Variants in ZNF208 observed in about 807,000 individuals in gnomAD.
The protein encoded by ZNF208 is zinc finger protein 208.
In ZNF208, 10 loss-of-function variants were observed where a neutral mutation model predicts 12.1. That is an observed-to-expected ratio of 0.83 (90% confidence interval 0.51 to 1.40). The LOEUF is 1.40. Ranked by LOEUF, ZNF208 falls within the 40% of genes most tolerant of loss-of-function variation. The pLI is 0.00. For synonymous variants in ZNF208, 497 were observed against 488.4 expected, an observed-to-expected ratio of 1.02 and a Z score of -0.23; for missense variants, 1,652 against 1,485.0, an observed-to-expected ratio of 1.11 and a Z score of -1.85.
intron 3 of ZNF208, 115 bp downstream of exon 3, chr19:21,987,101 A>T: frequency 9.7e-7 from 1 of 1,029,078 alleles, no homozygotes; most frequent in Non-Finnish European, 1.4e-6. Context: ...AATAAAAATT[A>T]GTCTCTCCAG....
rs780809486 is a variant in ZNF208 at position 21,974,433 on chromosome 19, A to G, written c.601T>C (p.Tyr201His). Residue 201 changes from tyrosine (Y) to histidine (H), a missense_variant, in exon 4 of 4, where the codon TAC becomes CAC. Physicochemically the swap from Tyr to His is moderately conservative, Grantham distance 83. Transcript: ENST00000397126. ...GCTTTGCCACCTTCTTCACATTTGT[A>G]GGAATTCTCTCTAGTATAAATTCTT... The part of the protein sequence containing the change: ...HKRIYTRENS[Y>H]KCEEGGKAFN... 8 of 1,613,694 alleles carry G rather than the reference A, an allele frequency of 5.0e-6. No individual in the cohort carries two copies. The South Asian group carries it at 8.8e-5, about 18-fold the overall frequency.
intron 4 of ZNF208, among the ~76,000 whole-genome samples, chr19:21,955,645 C>T (rs1969961492): frequency 6.6e-6 from 1 of 152,156 alleles, no homozygotes; most frequent in Admixed American, 6.5e-5. Context: ...ATGCATGTGT[C>T]ATGTAGTTCT....
intron 4 of ZNF208, chr19:21,940,143 T>TAAAACTTTCAG (rs1969711275): frequency 6.9e-6 from 1 of 144,898 alleles, no homozygotes; most frequent in Admixed American, 7.1e-5. Flanking sequence ...GACTGAAAGT[T>TAAAACTTTCAG]TTATAAGAGT....
At chr19:21,964,507 A>G (rs1970130942), downstream of ZNF208, among the ~76,000 whole-genome samples, 1 of 151,786 alleles carries the variant, frequency 6.6e-6, no homozygotes, top group Admixed American at 6.6e-5. Flanking sequence ...ACATAAAAGT[A>G]TTAAACAAGT....
intron 3 of ZNF208, among the ~76,000 whole-genome samples, chr19:21,984,551 CAAA>C: frequency 6.6e-6 from 1 of 150,968 alleles, no homozygotes; most frequent in Non-Finnish European, 1.5e-5. Flanking sequence ...GACTCTGTCT[CAAA>C]AAAACAAAAA....
intron 4 of ZNF208, among the ~76,000 whole-genome samples, chr19:21,941,945 A>G (rs1351338920): frequency 1.3e-5 from 2 of 152,196 alleles, no homozygotes; most frequent in African/African-American, 4.8e-5. Flanking sequence ...AGATTGGTAT[A>G]CACAAACTTT....
chr19:21,971,237 G>A lies in ZNF208; in HGVS notation c.3797C>T (p.Ser1266Leu). 1.2e-6 allele frequency: 2 copies of A among 1,612,460 alleles called. No individual in the cohort carries two copies. The highest frequency in any genetic ancestry group is 1.7e-6 in the Non-Finnish European group (2 of 1,179,862). The change falls in exon 4 of 4, where the codon TCA becomes TTA. Residue 1266 changes from serine to leucine, a missense_variant. Physicochemically the swap from Ser to Leu is moderately radical, Grantham distance 145 (BLOSUM62 -2). Coordinates refer to ENST00000397126, the MANE Select transcript of ZNF208 (RefSeq NM_007153.3). Reference sequence around the variant, plus strand: ...AATTTTCTTATGTTTACTGAAGACTGATAACCAGCTGAAGGCTTTGCCACA... The same window carrying A: ...AATTTTCTTATGTTTACTGAAGACTAATAACCAGCTGAAGGCTTTGCCACA... ...EECGKAFSWL[S>L]VFSKHKKIHT... is the part of the protein sequence containing the mutation.
At chr19:21,961,223 G>A (rs573893956), downstream of ZNF208, among the ~76,000 whole-genome samples, 6 of 152,234 alleles carry the variant, frequency 3.9e-5, no homozygotes, top group African/African-American at 1.4e-4. Context: ...GCCTCCAGGG[G>A]TGACATCACA....
chr19:21,945,273 C>T (rs1969798720), intron 4 of ZNF208, among the ~76,000 whole-genome samples: 1 of 152,206 alleles, frequency 6.6e-6, no homozygotes, highest in African/African-American at 2.4e-5. Flanking sequence ...AATCCCTTCT[C>T]TCTCAAGATG....
intron 4 of ZNF208, among the ~76,000 whole-genome samples, chr19:21,952,381 G>A (rs1969903146): frequency 6.6e-6 from 1 of 152,192 alleles, no homozygotes; most frequent in Non-Finnish European, 1.5e-5. Flanking sequence ...AGCCTAACTG[G>A]GAGACACCTC....
At position 21,949,523 on chromosome 19, in the gene ZNF208, C is replaced by G. The variant is rs1406382246; in HGVS notation, c.306-16286G>C. 5.3e-5 allele frequency among the ~76,000 whole-genome samples: 8 copies of G among 152,216 alleles called. 1 individual carries two copies. On this transcript the variant is annotated intron_variant, in intron 4 of 4. Transcript: ENST00000599916. ...ACCTAGGAATGTTAAAATAGCCAATCTTTTATACCACCTTATTAAAAAAAC... is the reference window on the plus strand; with the variant it reads ...ACCTAGGAATGTTAAAATAGCCAATGTTTTATACCACCTTATTAAAAAAAC...
At chr19:21,986,393 AAAAC>A (rs2145565286) in intron 3 of ZNF208, among the ~76,000 whole-genome samples, 1 of 152,330 alleles carries the variant, frequency 6.6e-6, no homozygotes, top group African/African-American at 2.4e-5. Flanking sequence ...ATAGAGTAAT[AAAAC>A]AATCTTATTT....
In ZNF208 at chr19:21,990,556, G is replaced by T. The variant is rs531239569; in HGVS notation, c.4-1647C>A. On this transcript the variant is annotated intron_variant, in intron 1 of 3. Transcript: ENST00000397126. ...CCTCCAGCTTTGTTCTTTTGGCTTA[G>T]GATTGACTTGGTGATGCAGGCTCTT... is the stretch of plus-strand genomic sequence containing the variant. Among the ~76,000 whole-genome samples, 852 of 152,074 alleles carry T rather than the reference G, an allele frequency of 5.6e-3. 5 individuals carry two copies. Among genetic ancestry groups the T allele is most frequent in the Middle Eastern group, 0.017 (5 of 294 alleles).
chr19:21,980,213 T>C (rs924490031), intron 3 of ZNF208, among the ~76,000 whole-genome samples: 10 of 152,204 alleles, frequency 6.6e-5, no homozygotes, highest in African/African-American at 9.6e-5. Context: ...AACTCAGCTC[T>C]GGACCAAGCA....
intron 4 of ZNF208, among the ~76,000 whole-genome samples, chr19:21,950,445 C>G (rs1568433769): frequency 6.6e-6 from 1 of 151,332 alleles, no homozygotes; most frequent in Admixed American, 6.6e-5. Flanking sequence ...TTTCTTCTAG[C>G]TATGCTTGTT....
rs930915642 is a variant in ZNF208, at chr19:21,966,891, A to G, written c.*4300T>C. 2 of 152,154 alleles carry G rather than the reference A, an allele frequency of 1.3e-5. No homozygotes were observed. The highest frequency in any genetic ancestry group is 3.9e-4 in the East Asian group (2 of 5,190). The allele number at this position is 152,154 out of a possible 1,614,324, so 9.4% of individuals were successfully genotyped here. ...TTTTACATGTTTATTGGCAGCTCTT[A>G]TGTCTTCCTTTGAGAAGAAGCTGGC... On this transcript the variant is annotated 3_prime_UTR_variant, in exon 4 of 4. Transcript: ENST00000397126.
At chr19:21,949,000 A>C (rs887260075) in intron 4 of ZNF208, among the ~76,000 whole-genome samples, 5 of 152,204 alleles carry the variant, frequency 3.3e-5, no homozygotes, top group Admixed American at 1.3e-4. Context: ...AAAGAACCAC[A>C]ATCAAGCATG....
In ZNF208 at chr19:21,973,627, A is replaced by C. The variant is rs755136148; in HGVS notation, c.1407T>G (p.Thr469=). Residue 469 remains threonine (T), a synonymous_variant, in exon 4 of 4, where the codon ACT becomes ACG. Coordinates refer to ENST00000397126, the MANE Select transcript of ZNF208 (RefSeq NM_007153.3). ...CTCCATTATGAATTACCTTATGTTT[A>C]GTAAGGATTGAGAACATACTAAAGC... is the stretch of plus-strand genomic sequence containing the variant. ...GKGFSMFSIL[T]KHKVIHNGEK... The C allele has an allele frequency of 6.2e-7, 1 of 1,612,770 alleles. No individual in the cohort carries two copies. Among genetic ancestry groups the C allele is most frequent in the Non-Finnish European group, 8.5e-7 (1 of 1,179,722 alleles).
chr19:22,001,892 C>CAAAAAAAAAAAAAAAAAAAAAAAAAAAA lies in ZNF208; in HGVS notation c.3+8872_3+8899dup, dbSNP rs58939967. ...TGGATGACACAGTGAGACTCCATCC[C>CAAAAAAAAAAAAAAAAAAAAAAAAAAAA]AAAAAAAAAAAAAAAAAAAAAAAAA... On this transcript the variant is annotated intron_variant, in intron 1 of 3. Transcript: ENST00000397126. Among the ~76,000 whole-genome samples, 57 of 74,102 alleles carry CAAAAAAAAAAAAAAAAAAAAAAAAAAAA rather than the reference C, an allele frequency of 7.7e-4. 13 individuals are homozygous for CAAAAAAAAAAAAAAAAAAAAAAAAAAAA. Among genetic ancestry groups the CAAAAAAAAAAAAAAAAAAAAAAAAAAAA allele is most frequent in the Non-Finnish European group, 9.8e-4 (36 of 36,768 alleles). The allele number at this position is 74,102 out of a possible 152,430, so 48.6% of individuals were successfully genotyped here.
Sources: allele counts gnomAD v4.1 joint callset (sites outside exome capture counted in the v4.1 genomes callset), GRCh38; gene constraint gnomAD v4.1.1; transcripts MANE v1.5; gene names NCBI Gene and HGNC (gene_info 2026-07-23, HGNC 2026-07-21).